The following ARHGAP24 variants were observed in gnomAD, a reference collection of about 807,000 sequenced individuals.
ARHGAP24 encodes the protein Rho GTPase activating protein 24.
In ARHGAP24, 50 loss-of-function variants were observed where a neutral mutation model predicts 76.4. The ratio of observed to expected loss-of-function variants is 0.65; its 90% CI spans 0.52 to 0.83. The LOEUF (loss-of-function observed/expected upper bound fraction) is 0.83, where lower values mean the gene tolerates loss of function less well. Among genes scored for constraint, ARHGAP24 ranks in the 40% least tolerant of loss-of-function variants. The probability of loss-of-function intolerance (pLI) is 0.00; values close to 1 mark genes in which losing one functional copy is unlikely to be tolerated. For missense variants in ARHGAP24, 930 were observed against 914.2 expected (o/e 1.02, Z -0.22); for synonymous variants, 345 against 323.3 (o/e 1.07, Z -0.72).
intron 1 of ARHGAP24, among the ~76,000 whole-genome samples, chr4:85,532,978 G>A (rs1378658537): frequency 6.6e-6 from 1 of 152,180 alleles, no homozygotes; most frequent in Non-Finnish European, 1.5e-5. Flanking sequence ...TGTCTGCTAA[G>A]ACCATGGGGT....
chr4:85,839,608 G>A (rs1005016144), intron 3 of ARHGAP24, among the ~76,000 whole-genome samples: 5 of 151,582 alleles, frequency 3.3e-5, no homozygotes, highest in Non-Finnish European at 4.4e-5. Context: ...GTGCCACCAC[G>A]CCCAGCCAGT....
intron 1 of ARHGAP24, among the ~76,000 whole-genome samples, chr4:85,508,828 C>T (rs1724162244): frequency 6.6e-6 from 1 of 152,108 alleles, no homozygotes; most frequent in Non-Finnish European, 1.5e-5. Flanking sequence ...TATGTTCTAA[C>T]CTATAGGCCT....
At chr4:85,788,564 G>C (rs1216391514) in intron 3 of ARHGAP24, among the ~76,000 whole-genome samples, 1 of 152,188 alleles carries the variant, frequency 6.6e-6, no homozygotes, top group African/African-American at 2.4e-5. Flanking sequence ...GAATAATAAA[G>C]TAATCTTACA....
chr4:85,551,665 T>G (rs1318175111), intron 1 of ARHGAP24, among the ~76,000 whole-genome samples: 1 of 152,218 alleles, frequency 6.6e-6, no homozygotes, highest in Non-Finnish European at 1.5e-5. Flanking sequence ...TGGCTCTTTC[T>G]TATTTGTAGC....
chr4:85,574,714 C>T (rs906063864), intron 2 of ARHGAP24, among the ~76,000 whole-genome samples: 4 of 152,176 alleles, frequency 2.6e-5, no homozygotes, highest in African/African-American at 9.7e-5. Context: ...ACATTGAAAA[C>T]CTAAGTTAAT....
At chr4:85,749,576 TG>T (rs1726180630) in intron 3 of ARHGAP24, among the ~76,000 whole-genome samples, 1 of 152,162 alleles carries the variant, frequency 6.6e-6, no homozygotes. Context: ...TGTTGTTGTT[TG>T]TTTTGTTTTT....
chr4:85,501,768 T>C (rs1461819818), intron 1 of ARHGAP24, among the ~76,000 whole-genome samples: 1 of 152,210 alleles, frequency 6.6e-6, no homozygotes, highest in Non-Finnish European at 1.5e-5. Context: ...ACTACTGCTT[T>C]TTGTGTTTTA....
intron 1 of ARHGAP24, among the ~76,000 whole-genome samples, chr4:85,508,571 A>G (rs1414466182): frequency 6.6e-6 from 1 of 152,132 alleles, no homozygotes; most frequent in East Asian, 1.9e-4. Context: ...GAACTCCAGC[A>G]CCCTGTCTCT....
At chr4:85,596,807 A>G (rs947667529) in intron 2 of ARHGAP24, among the ~76,000 whole-genome samples, 10 of 152,146 alleles carry the variant, frequency 6.6e-5, no homozygotes, top group Admixed American at 3.3e-4. Context: ...TTTTTTTACT[A>G]CACAATTAGG....
At chr4:85,779,506 G>A (rs113019673) in intron 3 of ARHGAP24, among the ~76,000 whole-genome samples, 1,590 of 152,114 alleles carry the variant, frequency 0.01, 14 homozygotes, top group Non-Finnish European at 0.017. Context: ...ATTTTGAATT[G>A]GGGTTTTTGC....
chr4:85,635,986 C>T lies in ARHGAP24; in HGVS notation c.180+65265C>T, dbSNP rs530386286. ...ATATGATTGGCCTTCACTCTTCCTT[C>T]TTTAGATTCTGTAATATTGCATAGC... is the stretch of plus-strand genomic sequence containing the variant. On this transcript the variant is annotated intron_variant, in intron 2 of 9. Coordinates refer to ENST00000395184, the MANE Select transcript of ARHGAP24 (RefSeq NM_001025616.3). 1.5e-4 allele frequency among the ~76,000 whole-genome samples: 23 copies of T among 151,880 alleles called. No homozygotes were observed. The South Asian group carries it at 4.4e-3, about 29-fold the overall frequency.
At chr4:85,752,495 T>C (rs1726301487) in intron 3 of ARHGAP24, among the ~76,000 whole-genome samples, 1 of 152,224 alleles carries the variant, frequency 6.6e-6, no homozygotes, top group Non-Finnish European at 1.5e-5. Context: ...TACTGTTCCA[T>C]ATTCTGACGT....
At chr4:85,482,681 G>A (rs1722862470) in intron 1 of ARHGAP24, among the ~76,000 whole-genome samples, 1 of 152,204 alleles carries the variant, frequency 6.6e-6, no homozygotes, top group Non-Finnish European at 1.5e-5. Flanking sequence ...AATTAAGAAT[G>A]CCATTCCTAT....
chr4:85,742,252 A>T (rs1401950510), intron 3 of ARHGAP24, among the ~76,000 whole-genome samples: 1 of 148,944 alleles, frequency 6.7e-6, no homozygotes, highest in Non-Finnish European at 1.5e-5. Flanking sequence ...AGAGATAGGC[A>T]GTCACTGAGC....
Position 85,868,191 on chromosome 4 carries a change from T to C in ARHGAP24, c.269-55457T>C, listed in dbSNP as rs1024623166. ...ATACGTGGATTCATAGATTTTCTGA[T>C]TGGCAGTCAGTTAAAAGAGTTAAGT... On this transcript the variant is annotated intron_variant, in intron 3 of 9. Coordinates refer to ENST00000395184, the MANE Select transcript of ARHGAP24 (RefSeq NM_001025616.3). Among the ~76,000 whole-genome samples, 54 of 152,204 alleles carry C rather than the reference T, an allele frequency of 3.5e-4. 1 individual carries two copies. The highest frequency in any genetic ancestry group is 3.4e-3 in the Middle Eastern group (1 of 294).
At chr4:85,720,263 T>C (rs1724882207) in intron 2 of ARHGAP24, among the ~76,000 whole-genome samples, 2 of 151,364 alleles carry the variant, frequency 1.3e-5, no homozygotes, top group South Asian at 4.2e-4. Flanking sequence ...TAAAGTATAA[T>C]AATAATAATA....
At chr4:85,967,948 A>G (rs982541066) in intron 5 of ARHGAP24, among the ~76,000 whole-genome samples, 1 of 152,128 alleles carries the variant, frequency 6.6e-6, no homozygotes, top group African/African-American at 2.4e-5. Context: ...GAAGTTACCT[A>G]CAGAAAACAG....
intron 1 of ARHGAP24, among the ~76,000 whole-genome samples, chr4:85,491,309 G>T (rs1037409798): frequency 6.6e-6 from 1 of 152,072 alleles, no homozygotes; most frequent in Non-Finnish European, 1.5e-5. Flanking sequence ...AAGCCCTTAA[G>T]AAAAATAACA....
chr4:85,777,047 G>GGAAAATAAGA (rs1727335231), intron 3 of ARHGAP24, among the ~76,000 whole-genome samples: 1 of 152,042 alleles, frequency 6.6e-6, no homozygotes, highest in South Asian at 2.1e-4. Context: ...GAGAATAAAA[G>GGAAAATAAGA]GAAAATAAGA....
Sources: allele counts gnomAD v4.1 joint callset (sites outside exome capture counted in the v4.1 genomes callset), GRCh38; gene constraint gnomAD v4.1.1; transcripts MANE v1.5; gene names NCBI Gene and HGNC (gene_info 2026-07-23, HGNC 2026-07-21).